Variants in CLCN3 observed in about 807,000 individuals in gnomAD.
CLCN3 encodes the protein Cl-/H+ antiporter 3.
A neutral mutation model predicts 83.4 loss-of-function variants in CLCN3; 16 were observed. The ratio of observed to expected loss-of-function variants is 0.19; its 90% confidence interval spans 0.13 to 0.29. The LOEUF (loss-of-function observed/expected upper bound fraction) is 0.29, where lower values mean the gene tolerates loss of function less well. Ranked by LOEUF, CLCN3 falls within the 10% of genes least tolerant of loss-of-function variation. CLCN3 has a pLI of 1.00. For missense variants in CLCN3, 544 were observed against 1,006.0 expected, an observed-to-expected ratio of 0.54 and a Z score of 6.21; for synonymous variants, 322 against 346.2, an observed-to-expected ratio of 0.93 and a Z score of 0.78.
At position 169,704,093 on chromosome 4, in the gene CLCN3, C is replaced by G. The variant is rs1474916420; in HGVS notation, c.1659C>G (p.His553Gln). 6.2e-7 allele frequency: 1 copy of G among 1,613,988 alleles called. No homozygotes were observed. The change falls in exon 10 of 13, where the codon CAC becomes CAG. Residue 553 changes from histidine (H) to glutamine (Q), a missense_variant. Physicochemically the swap from His to Gln is conservative, Grantham distance 24 (BLOSUM62 0). Transcript: ENST00000513761. ...TGGAGCAGCTTGCCTACTATCACCA[C>G]GACTGGTTTATCTTTAAGGAGTGGT... The part of the protein sequence containing the change: ...IAVEQLAYYH[H>Q]DWFIFKEWCE...
intron 1 of CLCN3, among the ~76,000 whole-genome samples, chr4:169,627,368 G>T (rs1773261687): frequency 6.6e-6 from 1 of 152,004 alleles, no homozygotes; most frequent in African/African-American, 2.4e-5. Flanking sequence ...AGTGCTTACG[G>T]ACTGTGTGCC....
In CLCN3 at chr4:169,720,774, C is replaced by T. The variant is rs1021132529; in HGVS notation, c.*777C>T. 1.3e-5 allele frequency: 2 copies of T among 152,574 alleles called. No individual in the cohort carries two copies. Among genetic ancestry groups the T allele is most frequent in the African/African-American group, 4.8e-5 (2 of 41,412 alleles). The allele number at this position is 152,574 out of a possible 1,614,324, so 9.5% of individuals were successfully genotyped here. A position where few individuals can be genotyped will look rare whatever the true frequency, so the allele number is the denominator to read the frequency against. On this transcript the variant is annotated 3_prime_UTR_variant, in exon 13 of 13. Coordinates refer to ENST00000513761, the MANE Select transcript of CLCN3 (RefSeq NM_001829.4). ...CAAACAGGTAAAGTCTCGAAGGAAG[C>T]GAGAACGAAATCTCTCATTGTGTGC...
At chr4:169,685,798 A>C (rs1487046333) in intron 3 of CLCN3, among the ~76,000 whole-genome samples, 1 of 152,222 alleles carries the variant, frequency 6.6e-6, no homozygotes, top group African/African-American at 2.4e-5. Context: ...TTTCTTACAC[A>C]TTATTTTTAT....
At chr4:169,708,053 C>T (rs1733060367) in intron 11 of CLCN3, among the ~76,000 whole-genome samples, 1 of 152,142 alleles carries the variant, frequency 6.6e-6, no homozygotes, top group Non-Finnish European at 1.5e-5. Context: ...AGGATAGGTA[C>T]ATCAAGCCAT....
chr4:169,666,392 G>A (rs1731247445), intron 2 of CLCN3, among the ~76,000 whole-genome samples: 1 of 152,246 alleles, frequency 6.6e-6, no homozygotes, highest in East Asian at 1.9e-4. Context: ...ATAAGATGTC[G>A]GGAACAACTG....
chr4:169,719,154 T>C (rs1733536164), intron 12 of CLCN3, among the ~76,000 whole-genome samples: 2 of 152,278 alleles, frequency 1.3e-5, no homozygotes, highest in South Asian at 4.1e-4. Flanking sequence ...CTTTGAAAAA[T>C]TGGTTAATTT....
chr4:169,630,727 C>G (rs1335719551), intron 1 of CLCN3, among the ~76,000 whole-genome samples: 1 of 152,066 alleles, frequency 6.6e-6, no homozygotes, highest in Admixed American at 6.6e-5. Context: ...CAGGGTTTCA[C>G]CATGTTGGCC....
intron 6 of CLCN3, among the ~76,000 whole-genome samples, chr4:169,691,608 G>A (rs573772122): frequency 6.8e-4 from 103 of 152,074 alleles, no homozygotes; most frequent in Middle Eastern, 3.4e-3. Flanking sequence ...CTTTAAGTTT[G>A]TATTAAGAAT....
At chr4:169,703,520 CT>C (rs1287336483) in intron 9 of CLCN3, among the ~76,000 whole-genome samples, 4 of 152,096 alleles carry the variant, frequency 2.6e-5, no homozygotes, top group African/African-American at 9.7e-5. Flanking sequence ...TCATATTGTA[CT>C]TTTAAAAATA....
Position 169,722,066 on chromosome 4 carries a change from C to CG in CLCN3, c.*2070dup, listed in dbSNP as rs1424792053. 1 of 152,206 alleles carries CG rather than the reference C, an allele frequency of 6.6e-6. No homozygotes were observed. Among genetic ancestry groups the CG allele is most frequent in the Non-Finnish European group, 1.5e-5 (1 of 68,048 alleles). The allele number at this position is 152,206 out of a possible 1,614,324, so 9.4% of individuals were successfully genotyped here. On this transcript the variant is annotated 3_prime_UTR_variant, in exon 13 of 13. Coordinates refer to ENST00000513761, the MANE Select transcript of CLCN3 (RefSeq NM_001829.4). ...CTCCTCAGCTCAAGCAATCTGCCTG[C>CG]GTGAGCCTCCCAAAGTGGTGGAATT...
intron 1 of CLCN3, among the ~76,000 whole-genome samples, chr4:169,628,556 G>A (rs1773291817): frequency 1.3e-5 from 2 of 152,268 alleles, no homozygotes; most frequent in African/African-American, 4.8e-5. Flanking sequence ...AAAATGTTCA[G>A]CATCATTACC....
At chr4:169,655,730 T>C (rs1291014160) in intron 2 of CLCN3, among the ~76,000 whole-genome samples, 1 of 152,186 alleles carries the variant, frequency 6.6e-6, no homozygotes, top group Non-Finnish European at 1.5e-5. Flanking sequence ...GGTCTTGAAC[T>C]CCTGGCTTCA....
intron 2 of CLCN3, among the ~76,000 whole-genome samples, chr4:169,668,042 C>CG (rs780656327): frequency 1.8e-4 from 17 of 93,666 alleles, no homozygotes; most frequent in Admixed American, 8.1e-4. Flanking sequence ...CCCGGCCAGA[C>CG]ATTTTTTTTT....
chr4:169,680,233 A>G (rs979176187), intron 3 of CLCN3, 26 bp downstream of exon 3: 4 of 1,555,322 alleles, frequency 2.6e-6, no homozygotes, highest in Non-Finnish European at 3.5e-6. Flanking sequence ...AAAAATTTTT[A>G]AAAACATAGT....
intron 2 of CLCN3, among the ~76,000 whole-genome samples, chr4:169,644,691 A>G (rs531697036): frequency 7.2e-4 from 110 of 151,808 alleles, no homozygotes; most frequent in African/African-American, 2.6e-3. Flanking sequence ...AATAATGGCC[A>G]TCCCCACACC....
At chr4:169,637,981 G>A (rs1730277883) in intron 2 of CLCN3, among the ~76,000 whole-genome samples, 1 of 152,180 alleles carries the variant, frequency 6.6e-6, no homozygotes, top group Admixed American at 6.5e-5. Flanking sequence ...CAATGCCCAG[G>A]ATATATATGA....
intron 2 of CLCN3, among the ~76,000 whole-genome samples, chr4:169,650,081 CCTAT>C (rs1421235407): frequency 2.0e-5 from 3 of 151,774 alleles, no homozygotes; most frequent in Middle Eastern, 3.4e-3. Flanking sequence ...AGAGCGAGAC[CCTAT>C]CTAAGAGAAA....
chr4:169,700,613 T>G (rs1732748756), intron 9 of CLCN3, among the ~76,000 whole-genome samples: 1 of 152,158 alleles, frequency 6.6e-6, no homozygotes, highest in Non-Finnish European at 1.5e-5. Flanking sequence ...TATCCCTGTT[T>G]ATTATCCTTA....
At chr4:169,657,239 G>A (rs1348102402) in intron 2 of CLCN3, among the ~76,000 whole-genome samples, 3 of 151,966 alleles carry the variant, frequency 2.0e-5, no homozygotes, top group Non-Finnish European at 4.4e-5. Flanking sequence ...AATATCTTGT[G>A]TTTCCCATTT....
Sources: gnomAD v4.1 joint callset for allele counts (sites outside exome capture counted in the v4.1 genomes callset) on GRCh38, gnomAD v4.1.1 for gene constraint, MANE v1.5 for transcripts, NCBI Gene and HGNC (gene_info 2026-07-23, HGNC 2026-07-21) for gene names.